ADGRL3: variants seen among roughly 807,000 people sequenced by gnomAD.
ADGRL3 encodes the protein calcium-independent alpha-latrotoxin receptor 3.
A neutral mutation model predicts 153.5 loss-of-function variants in ADGRL3; 62 were observed. The ratio of observed to expected loss-of-function variants is 0.40; its 90% CI spans 0.33 to 0.50. The LOEUF is 0.50. Ranked by LOEUF, ADGRL3 falls within the 20% of genes least tolerant of loss-of-function variation. The probability of loss-of-function intolerance (pLI) is 0.47; values close to 1 mark genes in which losing one functional copy is unlikely to be tolerated. For missense variants in ADGRL3, 1,641 were observed against 1,859.4 expected (o/e 0.88, Z 2.16); for synonymous variants, 710 against 672.5 (o/e 1.06, Z -0.86).
intron 9 of ADGRL3, among the ~76,000 whole-genome samples, chr4:61,890,612 A>G (rs2098571533): frequency 6.6e-6 from 1 of 152,212 alleles, no homozygotes; most frequent in African/African-American, 2.4e-5. Flanking sequence ...CCTCTCCCAC[A>G]ATAATGGCAT....
At chr4:61,845,944 C>T (rs564190796) in intron 9 of ADGRL3, among the ~76,000 whole-genome samples, 7 of 152,090 alleles carry the variant, frequency 4.6e-5, no homozygotes, top group Admixed American at 1.3e-4. Flanking sequence ...GAATTTTATA[C>T]CATTTATTGG....
intron 1 of ADGRL3, among the ~76,000 whole-genome samples, chr4:61,207,302 G>A (rs1236510710): frequency 1.3e-5 from 2 of 152,078 alleles, no homozygotes; most frequent in African/African-American, 4.8e-5. Flanking sequence ...TGTAGTGTTT[G>A]GTTTTCTGTT....
intron 8 of ADGRL3, among the ~76,000 whole-genome samples, chr4:61,812,870 T>TGTGG (rs2097646590): frequency 6.6e-6 from 1 of 152,216 alleles, no homozygotes. Context: ...TTAATCCATC[T>TGTGG]ACTTCCCTTT....
chr4:61,348,716 T>G (rs2095977568), intron 1 of ADGRL3, among the ~76,000 whole-genome samples: 1 of 152,046 alleles, frequency 6.6e-6, no homozygotes, highest in Non-Finnish European at 1.5e-5. Context: ...TTTAAATACC[T>G]TAGTAAATCA....
chr4:61,469,426 G>A (rs1463475405), intron 2 of ADGRL3, among the ~76,000 whole-genome samples: 1 of 152,072 alleles, frequency 6.6e-6, no homozygotes, highest in Non-Finnish European at 1.5e-5. Context: ...ACTAAGTAAA[G>A]ACTTTTGTTA....
In ADGRL3 at chr4:62,037,885, G is replaced by A. The variant is rs776523749; in HGVS notation, c.3717+29G>A. ...AACAATATTTGTTCACTGAAATGAA[G>A]TAATTCTTAACTATACCAGTTACTG... On this transcript the variant is annotated intron_variant, in intron 24 of 26. Coordinates refer to ENST00000683033, the MANE Select transcript of ADGRL3 (RefSeq NM_001387552.1). 120 of 1,612,836 alleles carry A rather than the reference G, an allele frequency of 7.4e-5. 1 individual carries two copies. The highest frequency in any genetic ancestry group is 1.0e-4 in the Non-Finnish European group (119 of 1,179,200).
chr4:61,915,270 GTATA>G (rs1258626642), intron 13 of ADGRL3, among the ~76,000 whole-genome samples: 1 of 147,774 alleles, frequency 6.8e-6, no homozygotes, highest in Non-Finnish European at 1.5e-5. Context: ...ATATATATCT[GTATA>G]TATAAATATA....
At chr4:61,268,028 A>G (rs1216696576) in intron 1 of ADGRL3, among the ~76,000 whole-genome samples, 1 of 151,692 alleles carries the variant, frequency 6.6e-6, no homozygotes, top group Non-Finnish European at 1.5e-5. Flanking sequence ...TAAAATTTAT[A>G]TATAATCATC....
At chr4:61,498,909 A>G (rs1318912119) in intron 3 of ADGRL3, among the ~76,000 whole-genome samples, 1 of 152,172 alleles carries the variant, frequency 6.6e-6, no homozygotes, top group African/African-American at 2.4e-5. Flanking sequence ...TTTTTCACTA[A>G]GATGAAAATG....
At chr4:61,772,174 A>G (rs2152312103) in intron 8 of ADGRL3, among the ~76,000 whole-genome samples, 1 of 152,324 alleles carries the variant, frequency 6.6e-6, no homozygotes, top group South Asian at 2.1e-4. Context: ...TCACAATTCA[A>G]AGGAATAATT....
intron 1 of ADGRL3, among the ~76,000 whole-genome samples, chr4:61,280,244 G>T (rs2093666286): frequency 6.6e-6 from 1 of 151,188 alleles, no homozygotes; most frequent in South Asian, 2.1e-4. Flanking sequence ...TGAGTAGCTG[G>T]GACTACAGGA....
chr4:61,362,307 A>G (rs1013706996), intron 1 of ADGRL3, among the ~76,000 whole-genome samples: 2 of 150,718 alleles, frequency 1.3e-5, no homozygotes, highest in Non-Finnish European at 3.0e-5. Flanking sequence ...CCTGCCTGAT[A>G]CGATCGAATA....
chr4:61,396,971 A>G (rs201508344), intron 2 of ADGRL3, among the ~76,000 whole-genome samples: 6 of 134,876 alleles, frequency 4.4e-5, no homozygotes, highest in African/African-American at 1.3e-4. Flanking sequence ...TATTATTATT[A>G]TTCCTGCTGA....
At position 61,291,603 on chromosome 4, in the gene ADGRL3, T is replaced by TAC. The variant is rs1177747477; in HGVS notation, c.-240+89846_-240+89847dup. Among the ~76,000 whole-genome samples the TAC allele has an allele frequency of 2.6e-3, 27 of 10,588 alleles. 1 individual carries two copies. Among genetic ancestry groups the TAC allele is most frequent in the Middle Eastern group, 0.045 (1 of 22 alleles). The allele number at this position is 10,588 out of a possible 152,430, so 6.9% of individuals were successfully genotyped here. Reference sequence around the variant, plus strand: ...ATATACATATATATATATATATATATACACACACATATATATATATATAAA... The same window carrying TAC: ...ATATACATATATATATATATATATATACACACACACATATATATATATATAAA... On this transcript the variant is annotated intron_variant, in intron 1 of 26. Transcript: ENST00000683033.
At chr4:62,017,209 C>T (rs914896818) in intron 21 of ADGRL3, among the ~76,000 whole-genome samples, 2 of 151,834 alleles carry the variant, frequency 1.3e-5, no homozygotes, top group South Asian at 2.1e-4. Flanking sequence ...TGATTTGGAT[C>T]GCAATTGAGC....
chr4:61,671,717 T>G (rs2095007883), intron 5 of ADGRL3, among the ~76,000 whole-genome samples: 2 of 152,152 alleles, frequency 1.3e-5, no homozygotes, highest in South Asian at 4.1e-4. Flanking sequence ...ACAGATGGTC[T>G]TTATTTCATC....
At chr4:61,705,516 G>C (rs1165919803) in intron 6 of ADGRL3, among the ~76,000 whole-genome samples, 1 of 149,056 alleles carries the variant, frequency 6.7e-6, no homozygotes, top group Non-Finnish European at 1.5e-5. Flanking sequence ...ATATATATTT[G>C]AGACAGAGTC....
At chr4:61,286,718 A>G (rs1471646985) in intron 1 of ADGRL3, among the ~76,000 whole-genome samples, 1 of 151,684 alleles carries the variant, frequency 6.6e-6, no homozygotes, top group African/African-American at 2.4e-5. Context: ...ATGTAAATTT[A>G]TCATATTCAT....
intron 1 of ADGRL3, among the ~76,000 whole-genome samples, chr4:61,378,326 C>T (rs991634591): frequency 2.0e-5 from 3 of 152,006 alleles, no homozygotes; most frequent in African/African-American, 7.2e-5. Context: ...CCAGCCTACT[C>T]ATTTAGCCGT....
Sources: gnomAD v4.1 joint callset for allele counts (sites outside exome capture counted in the v4.1 genomes callset) on GRCh38, gnomAD v4.1.1 for gene constraint, MANE v1.5 for transcripts, NCBI Gene and HGNC (gene_info 2026-07-23, HGNC 2026-07-21) for gene names.